Variants in RYR3 observed in about 807,000 individuals in gnomAD.
RYR3 encodes the protein brain ryanodine receptor-calcium release channel.
In RYR3, 207 loss-of-function variants were observed where a neutral mutation model predicts 584.3. The ratio of observed to expected loss-of-function variants is 0.35; its 90% CI spans 0.32 to 0.40. RYR3 has a LOEUF of 0.40. Ranked by LOEUF, RYR3 falls within the 10% of genes least tolerant of loss-of-function variation. The probability of loss-of-function intolerance (pLI) is 1.00; values close to 1 mark genes in which losing one functional copy is unlikely to be tolerated. For missense variants in RYR3, 5,616 were observed against 6,089.2 expected (o/e 0.92, Z 2.59); for synonymous variants, 2,416 against 2,248.5 (o/e 1.07, Z -2.11).
At chr15:33,361,682 G>T (rs907873943) in intron 1 of RYR3, among the ~76,000 whole-genome samples, 2 of 152,166 alleles carry the variant, frequency 1.3e-5, no homozygotes, top group Non-Finnish European at 2.9e-5. Context: ...GCCTTGAAGA[G>T]ACTCTATTTT....
At chr15:33,544,162 A>G (rs2056054335) in intron 8 of RYR3, among the ~76,000 whole-genome samples, 1 of 152,112 alleles carries the variant, frequency 6.6e-6, no homozygotes, top group Non-Finnish European at 1.5e-5. Flanking sequence ...TGTGCCAAGG[A>G]CGATGTGTTC....
intron 42 of RYR3, among the ~76,000 whole-genome samples, chr15:33,701,728 C>A (rs1046988827): frequency 1.3e-5 from 2 of 151,872 alleles, no homozygotes; most frequent in Non-Finnish European, 2.9e-5. Flanking sequence ...TGGGAGCACA[C>A]GGAAAAGGGC....
intron 1 of RYR3, among the ~76,000 whole-genome samples, chr15:33,328,596 A>T (rs1047040224): frequency 6.6e-6 from 1 of 152,224 alleles, no homozygotes; most frequent in Non-Finnish European, 1.5e-5. Flanking sequence ...ATAAGCAATT[A>T]TAAGTGCATA....
intron 1 of RYR3, among the ~76,000 whole-genome samples, chr15:33,392,104 T>C (rs1219063641): frequency 6.6e-6 from 1 of 151,796 alleles, no homozygotes; most frequent in African/African-American, 2.4e-5. Flanking sequence ...GTTTCCCCCA[T>C]TTGATCGTAA....
At chr15:33,859,876 T>C in intron 100 of RYR3, 145 bp downstream of exon 100, 1 of 897,508 alleles carries the variant, frequency 1.1e-6, no homozygotes, top group East Asian at 2.6e-5. Flanking sequence ...GCATCTACTA[T>C]ACCTGAGGCT....
intron 2 of RYR3, among the ~76,000 whole-genome samples, chr15:33,502,211 C>G (rs2052051545): frequency 6.6e-6 from 1 of 152,138 alleles, no homozygotes; most frequent in South Asian, 2.1e-4. Context: ...GGCCGATTAT[C>G]TTATTTTTGA....
At chr15:33,438,436 T>C (rs893639700) in intron 1 of RYR3, among the ~76,000 whole-genome samples, 2 of 152,198 alleles carry the variant, frequency 1.3e-5, no homozygotes, top group African/African-American at 2.4e-5. Context: ...GCCTGGTGCC[T>C]GGCCTGTCTC....
chr15:33,482,916 G>C (rs2050098181), intron 2 of RYR3, among the ~76,000 whole-genome samples: 1 of 152,146 alleles, frequency 6.6e-6, no homozygotes, highest in Non-Finnish European at 1.5e-5. Context: ...TTATATGTTA[G>C]ATTGTTTTAT....
At chr15:33,324,845 G>A (rs866494184) in intron 1 of RYR3, among the ~76,000 whole-genome samples, 1 of 152,134 alleles carries the variant, frequency 6.6e-6, no homozygotes, top group South Asian at 2.1e-4. Flanking sequence ...AAACCCAACC[G>A]CATTATGGAA....
intron 24 of RYR3, among the ~76,000 whole-genome samples, chr15:33,634,275 T>C (rs2061401218): frequency 6.6e-6 from 1 of 152,158 alleles, no homozygotes; most frequent in Non-Finnish European, 1.5e-5. Flanking sequence ...GGTCTCAAAC[T>C]CCTGACCTCA....
At chr15:33,327,646 A>T (rs1293513725) in intron 1 of RYR3, among the ~76,000 whole-genome samples, 1 of 152,102 alleles carries the variant, frequency 6.6e-6, no homozygotes, top group Non-Finnish European at 1.5e-5. Context: ...TGTTATGAAA[A>T]TCTCCTTTTC....
chr15:33,686,305 G>A (rs550466513), intron 38 of RYR3, among the ~76,000 whole-genome samples: 4 of 152,244 alleles, frequency 2.6e-5, no homozygotes, highest in South Asian at 2.1e-4. Context: ...ACACTTCTAC[G>A]CAAATAAACT....
At chr15:33,480,320 G>A (rs2572182) in intron 2 of RYR3, among the ~76,000 whole-genome samples, 90,688 of 152,054 alleles carry the variant, frequency 0.6, 27,768 homozygotes, top group African/African-American at 0.75. Flanking sequence ...CCTTCAAACT[G>A]TACCCATCTC....
At chr15:33,581,785 A>G (rs913216676) in intron 14 of RYR3, 142 bp downstream of exon 14, 1 of 715,332 alleles carries the variant, frequency 1.4e-6, no homozygotes, top group African/African-American at 1.8e-5. Context: ...TAACCATTCA[A>G]TTTTAACCCA....
intron 74 of RYR3, 187 bp downstream of exon 74, chr15:33,813,766 C>G: frequency 1.9e-6 from 1 of 538,468 alleles, no homozygotes; most frequent in Non-Finnish European, 3.3e-6. Flanking sequence ...AAAACTGAAA[C>G]CAGATGAGAT....
intron 7 of RYR3, among the ~76,000 whole-genome samples, chr15:33,543,282 G>A (rs1315964346): frequency 6.6e-6 from 1 of 152,044 alleles, no homozygotes; most frequent in Non-Finnish European, 1.5e-5. Flanking sequence ...TTGTTATTGG[G>A]TGTACTTACA....
At chr15:33,582,925 G>A (rs1025927656) in intron 14 of RYR3, among the ~76,000 whole-genome samples, 5 of 152,186 alleles carry the variant, frequency 3.3e-5, no homozygotes, top group East Asian at 1.9e-4. Flanking sequence ...CTACTTGGGG[G>A]CGAATCAATT....
chr15:33,418,028 C>G (rs1400656503), intron 1 of RYR3, among the ~76,000 whole-genome samples: 1 of 152,142 alleles, frequency 6.6e-6, no homozygotes. Context: ...ATAATGCTCA[C>G]TTGATCATGG....
intron 100 of RYR3, among the ~76,000 whole-genome samples, chr15:33,860,068 A>G (rs2080171774): frequency 6.6e-6 from 1 of 152,110 alleles, no homozygotes; most frequent in Admixed American, 6.6e-5. Context: ...GAGGTAGGGT[A>G]GGAGCAGAGG....
Sources: allele counts gnomAD v4.1 joint callset (sites outside exome capture counted in the v4.1 genomes callset), GRCh38; gene constraint gnomAD v4.1.1; transcripts MANE v1.5; gene names NCBI Gene and HGNC (gene_info 2026-07-23, HGNC 2026-07-21).